PCDHA5: variants seen among roughly 807,000 people sequenced by gnomAD.
PCDHA5 encodes the protein protocadherin alpha-5.
Under a neutral mutation model 61.6 loss-of-function variants are expected in PCDHA5, and 43 were observed. That is an observed-to-expected ratio of 0.70 (90% CI 0.55 to 0.90). The LOEUF is 0.90. Among genes scored for constraint, PCDHA5 ranks in the 40% least tolerant of loss-of-function variants. The pLI, the probability that PCDHA5 is intolerant of heterozygous loss-of-function variation, is 0.00. For synonymous variants in PCDHA5, 627 were observed against 543.9 expected, an observed-to-expected ratio of 1.15 and a Z score of -2.13; for missense variants, 1,298 against 1,222.7, an observed-to-expected ratio of 1.06 and a Z score of -0.92.
At position 140,990,592 on chromosome 5, in the gene PCDHA5, C is replaced by T. The variant is rs150978794; in HGVS notation, c.2500+8029C>T. On this transcript the variant is annotated intron_variant, in intron 3 of 3. Coordinates refer to ENST00000529859, the MANE Select transcript of PCDHA5 (RefSeq NM_018908.3). ...GTTCGATCTCTTTTCCTATAATCAC[C>T]TGGAGTCAGATGAATACCGTAAAGG... 2.7e-3 allele frequency among the ~76,000 whole-genome samples: 412 copies of T among 152,286 alleles called. 2 individuals are homozygous for T. Among genetic ancestry groups the T allele is most frequent in the African/African-American group, 9.5e-3 (395 of 41,556 alleles).
rs2150170274 is a variant in PCDHA5, at chr5:140,829,569, C to A, written c.2352+5442C>A. The A allele has an allele frequency of 3.7e-6, 6 of 1,612,484 alleles. No homozygotes were observed. The African/African-American group carries it at 4.0e-5, about 11-fold the overall frequency. ...CAGGAGAACGCGCTGGTGTCCTACT[C>A]GCTGGTGGAGCGGCGGGTGGGCGAG... On this transcript the variant is annotated intron_variant, in intron 1 of 3. Transcript: ENST00000529859.
intron 3 of PCDHA5, among the ~76,000 whole-genome samples, chr5:141,005,816 G>A (rs1295998009): frequency 1.3e-5 from 2 of 151,804 alleles, no homozygotes; most frequent in African/African-American, 4.8e-5. Context: ...AGCCAGGTAT[G>A]GTGGCCTGTA....
intron 1 of PCDHA5, chr5:140,968,356 C>T (rs1586289885): frequency 1.2e-6 from 2 of 1,614,062 alleles, no homozygotes; most frequent in Non-Finnish European, 1.7e-6. Context: ...CCAGTGGCAG[C>T]CTTTATGCTG....
At chr5:140,963,608 G>A (rs1308315109) in intron 1 of PCDHA5, among the ~76,000 whole-genome samples, 2 of 152,186 alleles carry the variant, frequency 1.3e-5, no homozygotes, top group African/African-American at 2.4e-5. Context: ...ACGTAATTGG[G>A]AAAGCTTAAC....
At chr5:140,857,771 GCAGT>G in intron 1 of PCDHA5, 1 of 1,597,658 alleles carries the variant, frequency 6.3e-7, no homozygotes, top group Non-Finnish European at 8.6e-7. Context: ...CGCGGGCGGT[GCAGT>G]CAGTGAGCTG....
intron 3 of PCDHA5, among the ~76,000 whole-genome samples, chr5:140,994,027 A>G (rs1237081548): frequency 2.6e-5 from 4 of 152,234 alleles, no homozygotes; most frequent in Non-Finnish European, 2.9e-5. Context: ...TGCAGATATA[A>G]TATTAAATAT....
chr5:140,870,642 C>A (rs373909591), intron 1 of PCDHA5: 2 of 1,612,746 alleles, frequency 1.2e-6, no homozygotes, highest in African/African-American at 1.3e-5. Context: ...ACGCGGAGAG[C>A]GGCAAGGTGT....
chr5:140,987,523 T>C (rs942927324), intron 3 of PCDHA5, among the ~76,000 whole-genome samples: 1 of 152,174 alleles, frequency 6.6e-6, no homozygotes, highest in Non-Finnish European at 1.5e-5. Context: ...AGTAATTGTA[T>C]GTTCCTGGGA....
rs188762939 is a variant in PCDHA5 at position 140,839,461 on chromosome 5, C to T, written c.2352+15334C>T. Among the ~76,000 whole-genome samples, 181 of 152,038 alleles carry T rather than the reference C, an allele frequency of 1.2e-3. 3 individuals carry two copies. Among genetic ancestry groups the T allele is most frequent in the Middle Eastern group, 3.4e-3 (1 of 294 alleles). On this transcript the variant is annotated intron_variant, in intron 1 of 3. Transcript: ENST00000529859. The stretch of plus-strand genomic sequence containing the variant: ...CTGCAGTGCAGTGGCACAATCTGGG[C>T]TTACTGCAATCTCTGCCTCCTGGGC...
chr5:140,949,779 T>A (rs1414817850), intron 1 of PCDHA5, among the ~76,000 whole-genome samples: 1 of 151,898 alleles, frequency 6.6e-6, no homozygotes, highest in East Asian at 1.9e-4. Context: ...ATTTGATATG[T>A]TTAGATTTGT....
intron 1 of PCDHA5, chr5:140,884,384 G>C: frequency 6.2e-7 from 1 of 1,613,972 alleles, no homozygotes; most frequent in Non-Finnish European, 8.5e-7. Context: ...TGCCATCTGC[G>C]CGGTGTCCAG....
At chr5:140,966,925 A>T in intron 1 of PCDHA5, 8 of 1,603,462 alleles carry the variant, frequency 5.0e-6, no homozygotes, top group African/African-American at 1.3e-5. Context: ...AGGAGCAGGC[A>T]CCCGGCGCGC....
chr5:140,921,282 A>C (rs1208744523), intron 1 of PCDHA5, among the ~76,000 whole-genome samples: 1 of 152,224 alleles, frequency 6.6e-6, no homozygotes, highest in Non-Finnish European at 1.5e-5. Flanking sequence ...CTTGAAAAAA[A>C]CCTCAAATTT....
intron 1 of PCDHA5, chr5:140,829,834 G>A (rs1263397985): frequency 2.5e-6 from 4 of 1,613,810 alleles, no homozygotes; most frequent in African/African-American, 2.7e-5. Flanking sequence ...GCGAGCTGGT[G>A]CCGCGGTCAC....
At chr5:140,914,038 T>C (rs949307049) in intron 1 of PCDHA5, among the ~76,000 whole-genome samples, 14 of 152,206 alleles carry the variant, frequency 9.2e-5, no homozygotes, top group Non-Finnish European at 1.3e-4. Context: ...GAGAAGAATG[T>C]GTATTCTGCA....
intron 1 of PCDHA5, chr5:140,882,774 C>T (rs782785084): frequency 1.2e-6 from 2 of 1,614,228 alleles, no homozygotes; most frequent in Non-Finnish European, 1.7e-6. Flanking sequence ...TCGGCATTGA[C>T]CTACCGACTG....
intron 1 of PCDHA5, chr5:140,835,513 G>C: frequency 3.1e-6 from 5 of 1,613,936 alleles, no homozygotes; most frequent in Non-Finnish European, 4.2e-6. Context: ...GTGTTTGACC[G>C]AGATTTTGGA....
chr5:140,899,904 C>A (rs1554188779), intron 1 of PCDHA5, among the ~76,000 whole-genome samples: 1 of 151,986 alleles, frequency 6.6e-6, no homozygotes, highest in African/African-American at 2.4e-5. Flanking sequence ...ACATCCTGGG[C>A]TCAAGCAATC....
chr5:140,985,233 G>C (rs1447323173), intron 3 of PCDHA5, among the ~76,000 whole-genome samples: 4 of 152,084 alleles, frequency 2.6e-5, no homozygotes, highest in Non-Finnish European at 5.9e-5. Flanking sequence ...CACCGCGCCT[G>C]GCCTAATCTT....
Sources: allele counts gnomAD v4.1 joint callset (sites outside exome capture counted in the v4.1 genomes callset), GRCh38; gene constraint gnomAD v4.1.1; transcripts MANE v1.5; gene names NCBI Gene and HGNC (gene_info 2026-07-23, HGNC 2026-07-21).